NFIB: variants seen among roughly 807,000 people sequenced by gnomAD.
NFIB encodes the protein nuclear factor I B, also known as nuclear factor 1 B-type.
NFIB carries 11 observed loss-of-function variants against 61.5 expected under a neutral mutation model. That is an observed-to-expected ratio of 0.18 (90% CI 0.11 to 0.30). NFIB has a LOEUF of 0.30. Ranked by LOEUF, NFIB falls within the 10% of genes least tolerant of loss-of-function variation. The probability of loss-of-function intolerance (pLI) is 1.00; values close to 1 mark genes in which losing one functional copy is unlikely to be tolerated. For synonymous variants in NFIB, 260 were observed against 216.5 expected (o/e 1.20, Z -1.76); for missense variants, 471 against 608.9 (o/e 0.77, Z 2.38).
At chr9:14,187,878 A>G (rs2047551098) in intron 2 of NFIB, among the ~76,000 whole-genome samples, 1 of 152,192 alleles carries the variant, frequency 6.6e-6, no homozygotes, top group African/African-American at 2.4e-5. Flanking sequence ...AACCCTGCAC[A>G]AAAAGTGTTA....
At chr9:14,122,139 A>G (rs1007222154) in intron 7 of NFIB, among the ~76,000 whole-genome samples, 2 of 132,380 alleles carry the variant, frequency 1.5e-5, no homozygotes, top group Non-Finnish European at 3.1e-5. Flanking sequence ...ACAAAGGGAA[A>G]TCACCTAGAA....
At chr9:14,265,973 G>T (rs1363319845) in intron 2 of NFIB, among the ~76,000 whole-genome samples, 2 of 152,206 alleles carry the variant, frequency 1.3e-5, no homozygotes, top group East Asian at 3.8e-4. Context: ...CCTGAAGAAT[G>T]AATCAGAACT....
At chr9:14,500,275 A>G in the NFIB span, among the ~76,000 whole-genome samples, 1 of 152,194 alleles carries the variant, frequency 6.6e-6, no homozygotes, top group Admixed American at 6.5e-5. Flanking sequence ...ATTCCAGACC[A>G]CTGCCTTTCC....
chr9:14,199,138 C>T (rs951411487), intron 2 of NFIB, among the ~76,000 whole-genome samples: 1 of 152,140 alleles, frequency 6.6e-6, no homozygotes, highest in Non-Finnish European at 1.5e-5. Context: ...TTTTCCAAGT[C>T]GAACACAGAA....
chr9:14,345,166 G>C (rs1018776746), intron 1 of NFIB, among the ~76,000 whole-genome samples: 1 of 152,076 alleles, frequency 6.6e-6, no homozygotes, highest in Non-Finnish European at 1.5e-5. Context: ...ATTGAAAGGA[G>C]AGCTGCTTTT....
In NFIB at chr9:14,314,108, A is replaced by G. The variant is rs1330996352; in HGVS notation, c.-597T>C. 2.0e-6 allele frequency: 2 copies of G among 998,190 alleles called. No homozygotes were observed. The highest frequency in any genetic ancestry group is 2.4e-6 in the Non-Finnish European group (2 of 840,628). 61.8% of individuals were successfully genotyped at this position (998,190 alleles called of 1,614,324 possible). ...GGCGAAACTTTGCCGCGAGCCGACC[A>G]TGTGTGTGCGCGAGGGGCAGCGTGA... On this transcript the variant is annotated 5_prime_UTR_variant, in exon 1 of 11. It removes an upstream start codon present in the reference 5' UTR. Coordinates refer to ENST00000380953, the MANE Select transcript of NFIB (RefSeq NM_001190737.2).
At chr9:14,416,627 A>G in the NFIB span, among the ~76,000 whole-genome samples, 3 of 152,162 alleles carry the variant, frequency 2.0e-5, no homozygotes, top group African/African-American at 4.8e-5. Context: ...TTATTACTAA[A>G]CGGTTAACAA....
At position 14,278,073 on chromosome 9, in the gene NFIB, G is replaced by A. The variant is rs141464790; in HGVS notation, c.562+28916C>T. On this transcript the variant is annotated intron_variant, in intron 2 of 10. Coordinates refer to ENST00000380953, the MANE Select transcript of NFIB (RefSeq NM_001190737.2). ...CAGCATCTTACGACCATGAGTTTTG[G>A]TGCTAAGTTCAGAAAAATTAATCCT... Among the ~76,000 whole-genome samples, 317 of 152,228 alleles carry A rather than the reference G, an allele frequency of 2.1e-3. 3 individuals carry two copies. The highest frequency in any genetic ancestry group is 7.1e-3 in the African/African-American group (297 of 41,540).
chr9:14,441,085 G>C, the NFIB span, among the ~76,000 whole-genome samples: 1 of 148,228 alleles, frequency 6.7e-6, no homozygotes, highest in East Asian at 2.0e-4. Flanking sequence ...AAAAAAACCT[G>C]GACCCTTGAC....
At chr9:14,431,932 C>T in the NFIB span, among the ~76,000 whole-genome samples, 3 of 152,108 alleles carry the variant, frequency 2.0e-5, no homozygotes, top group Admixed American at 2.0e-4. Flanking sequence ...AGTAGTTTGG[C>T]AACTGAACTC....
chr9:14,252,304 C>G (rs1291486015), intron 2 of NFIB, among the ~76,000 whole-genome samples: 2 of 152,124 alleles, frequency 1.3e-5, no homozygotes, highest in Non-Finnish European at 2.9e-5. Context: ...TTCCTCATTA[C>G]TTCTATGGCA....
the NFIB span, among the ~76,000 whole-genome samples, chr9:14,424,369 A>C: frequency 6.6e-6 from 1 of 152,176 alleles, no homozygotes; most frequent in Non-Finnish European, 1.5e-5. Context: ...GGGTCAAATA[A>C]GTTTTGGAAA....
chr9:14,460,375 G>C, the NFIB span, among the ~76,000 whole-genome samples: 10 of 146,240 alleles, frequency 6.8e-5, no homozygotes, highest in African/African-American at 2.3e-4. Flanking sequence ...TTGCGGGGTG[G>C]GGGGAGGGAG....
chr9:14,107,905 G>A (rs915133615), intron 10 of NFIB, among the ~76,000 whole-genome samples: 7 of 152,038 alleles, frequency 4.6e-5, no homozygotes, highest in African/African-American at 1.2e-4. Flanking sequence ...TAAAGTTAAC[G>A]TTACATAAAA....
At chr9:14,482,913 A>T in the NFIB span, among the ~76,000 whole-genome samples, 1 of 152,246 alleles carries the variant, frequency 6.6e-6, no homozygotes, top group Admixed American at 6.5e-5. Flanking sequence ...AGTGTGCCAA[A>T]TAATGTGAAT....
chr9:14,496,836 C>G, the NFIB span, among the ~76,000 whole-genome samples: 3 of 152,196 alleles, frequency 2.0e-5, no homozygotes, highest in Non-Finnish European at 4.4e-5. Flanking sequence ...AAAATACTAG[C>G]CATTGCATTT....
intron 2 of NFIB, among the ~76,000 whole-genome samples, chr9:14,197,450 T>G (rs1349493179): frequency 1.3e-5 from 2 of 152,204 alleles, no homozygotes; most frequent in Admixed American, 6.5e-5. Flanking sequence ...TATTTGCAAA[T>G]GGATCTTCTT....
At chr9:14,200,765 C>T (rs1348711291) in intron 2 of NFIB, among the ~76,000 whole-genome samples, 1 of 152,114 alleles carries the variant, frequency 6.6e-6, no homozygotes, top group African/African-American at 2.4e-5. Flanking sequence ...ATCTTCTTGT[C>T]TTTGTACATT....
chr9:14,460,514 T>C, the NFIB span, among the ~76,000 whole-genome samples: 10,226 of 150,002 alleles, frequency 0.068, 473 homozygotes, highest in Middle Eastern at 0.13. Context: ...ACTTAAAGTA[T>C]AATAAAAAAA....
Sources: allele counts gnomAD v4.1 joint callset (sites outside exome capture counted in the v4.1 genomes callset), GRCh38; gene constraint gnomAD v4.1.1; transcripts MANE v1.5; gene names NCBI Gene and HGNC (gene_info 2026-07-23, HGNC 2026-07-21).